Variants in PTPRO observed in about 807,000 individuals in gnomAD.
The protein encoded by PTPRO is receptor-type tyrosine-protein phosphatase O.
A neutral mutation model predicts 145.2 loss-of-function variants in PTPRO; 62 were observed. The ratio of observed to expected loss-of-function variants is 0.43; its 90% confidence interval spans 0.35 to 0.53. PTPRO has a LOEUF of 0.53. Among genes scored for constraint, PTPRO ranks in the 20% least tolerant of loss-of-function variants. The pLI is 0.01. For synonymous variants in PTPRO, 565 were observed against 514.7 expected (o/e 1.10, Z -1.32); for missense variants, 1,345 against 1,482.7 (o/e 0.91, Z 1.53).
chr12:15,418,930 A>G (rs930593845), intron 1 of PTPRO, among the ~76,000 whole-genome samples: 2 of 151,808 alleles, frequency 1.3e-5, no homozygotes, highest in African/African-American at 4.9e-5. Flanking sequence ...ACATTTAAAT[A>G]AAAGTAGAAA....
chr12:15,448,338 G>GAAAAAAAAAAAAAAAAAA (rs1565635275), intron 1 of PTPRO, among the ~76,000 whole-genome samples: 3 of 3,860 alleles, frequency 7.8e-4, no homozygotes, highest in Non-Finnish European at 7.3e-3. Flanking sequence ...CCTGTTCCTA[G>GAAAAAAAAAAAAAAAAAA]TAAAAAAAAA....
At chr12:15,546,277 A>G (rs1943286299) in intron 12 of PTPRO, 4 of 1,139,304 alleles carry the variant, frequency 3.5e-6, no homozygotes, top group Non-Finnish European at 4.4e-6. Context: ...ACTTCAGTAT[A>G]AATGACACAG....
chr12:15,341,627 A>G (rs769204127), intron 1 of PTPRO, among the ~76,000 whole-genome samples: 3 of 152,224 alleles, frequency 2.0e-5, no homozygotes, highest in Non-Finnish European at 4.4e-5. Context: ...CTGTACTATT[A>G]TTAAAGGCAT....
chr12:15,444,847 T>C (rs1388002139), intron 1 of PTPRO, among the ~76,000 whole-genome samples: 1 of 152,178 alleles, frequency 6.6e-6, no homozygotes, highest in Admixed American at 6.5e-5. Flanking sequence ...CCATGTTTTT[T>C]TTATAGCTGG....
chr12:15,364,565 T>C (rs1330147004), intron 1 of PTPRO, among the ~76,000 whole-genome samples: 4 of 152,282 alleles, frequency 2.6e-5, no homozygotes, highest in South Asian at 2.1e-4. Context: ...AAGCAGCCTC[T>C]GTATTAGTAA....
At chr12:15,477,290 G>C (rs1034814594) in intron 1 of PTPRO, among the ~76,000 whole-genome samples, 1 of 130,764 alleles carries the variant, frequency 7.6e-6, no homozygotes, top group African/African-American at 2.9e-5. Flanking sequence ...ACATAGGTGG[G>C]AATTGAACAA....
At chr12:15,414,119 A>G (rs1403296903) in intron 1 of PTPRO, among the ~76,000 whole-genome samples, 1 of 152,222 alleles carries the variant, frequency 6.6e-6, no homozygotes, top group Non-Finnish European at 1.5e-5. Flanking sequence ...GTCTAACCGT[A>G]AGAACCTTGT....
At chr12:15,375,427 A>G (rs939939602) in intron 1 of PTPRO, among the ~76,000 whole-genome samples, 1 of 152,190 alleles carries the variant, frequency 6.6e-6, no homozygotes, top group African/African-American at 2.4e-5. Flanking sequence ...AAAGGACAGT[A>G]TGACAATAAT....
intron 1 of PTPRO, among the ~76,000 whole-genome samples, chr12:15,483,478 C>A (rs1402473086): frequency 6.6e-6 from 1 of 152,002 alleles, no homozygotes; most frequent in East Asian, 1.9e-4. Context: ...CAATCCTGAC[C>A]TTTTTATAAT....
chr12:15,580,589 T>C, intron 21 of PTPRO, 108 bp from the exon 22 acceptor site: 1 of 1,380,808 alleles, frequency 7.2e-7, no homozygotes, highest in Admixed American at 1.7e-5. Flanking sequence ...TGTGATCCTT[T>C]GCCAATTTTA....
chr12:15,537,078 T>C (rs2136550487), intron 12 of PTPRO, among the ~76,000 whole-genome samples: 2 of 152,240 alleles, frequency 1.3e-5, no homozygotes, highest in Non-Finnish European at 2.9e-5. Context: ...GACAGAGGTT[T>C]GATTTATTAA....
At chr12:15,472,265 C>T (rs1446361314) in intron 1 of PTPRO, among the ~76,000 whole-genome samples, 1 of 152,104 alleles carries the variant, frequency 6.6e-6, no homozygotes, top group Non-Finnish European at 1.5e-5. Flanking sequence ...ATTGCAACAC[C>T]CTCCTTACTG....
chr12:15,433,240 A>G (rs994803989), intron 1 of PTPRO, among the ~76,000 whole-genome samples: 1 of 142,264 alleles, frequency 7.0e-6, no homozygotes, highest in Non-Finnish European at 1.5e-5. Context: ...AGTGGTGCCG[A>G]TCTCAGCTCA....
At chr12:15,412,070 C>A (rs1939816032) in intron 1 of PTPRO, among the ~76,000 whole-genome samples, 1 of 152,160 alleles carries the variant, frequency 6.6e-6, no homozygotes, top group African/African-American at 2.4e-5. Flanking sequence ...GACCCTGTGT[C>A]AGCGAAATTA....
intron 16 of PTPRO, 33 bp downstream of exon 16, chr12:15,557,556 G>C: frequency 6.3e-7 from 1 of 1,584,640 alleles, no homozygotes; most frequent in African/African-American, 1.3e-5. Flanking sequence ...CTTCTACATA[G>C]TTTAACTATG....
intron 1 of PTPRO, chr12:15,440,287 C>T: frequency 5.2e-6 from 3 of 573,660 alleles, no homozygotes; most frequent in Non-Finnish European, 9.3e-6. Flanking sequence ...CCCCCAACCT[C>T]CGGAAGGAGA....
intron 1 of PTPRO, among the ~76,000 whole-genome samples, chr12:15,452,757 A>G (rs1317290746): frequency 6.6e-6 from 1 of 152,150 alleles, no homozygotes; most frequent in Non-Finnish European, 1.5e-5. Flanking sequence ...AAATCTTAAA[A>G]GTCTAGGCTT....
chr12:15,410,097 C>T (rs144513257), intron 1 of PTPRO, among the ~76,000 whole-genome samples: 9 of 152,128 alleles, frequency 5.9e-5, no homozygotes, highest in African/African-American at 2.2e-4. Flanking sequence ...AAAAGAGAGA[C>T]AGACAAACAG....
At chr12:15,530,500 C>T (rs1374476264) in intron 12 of PTPRO, among the ~76,000 whole-genome samples, 1 of 152,088 alleles carries the variant, frequency 6.6e-6, no homozygotes, top group Non-Finnish European at 1.5e-5. Flanking sequence ...TCAACAAATT[C>T]AAAAAGTACA....
Sources: allele counts gnomAD v4.1 joint callset (sites outside exome capture counted in the v4.1 genomes callset), GRCh38; gene constraint gnomAD v4.1.1; transcripts MANE v1.5; gene names NCBI Gene and HGNC (gene_info 2026-07-23, HGNC 2026-07-21).